Variants in DOT1L observed in about 807,000 individuals in gnomAD.
DOT1L encodes DOT1 like histone lysine methyltransferase.
Under a neutral mutation model 153.3 loss-of-function variants are expected in DOT1L, and 33 were observed. That is an observed-to-expected ratio of 0.22 (90% CI 0.16 to 0.29). The LOEUF is 0.29. Among genes scored for constraint, DOT1L ranks in the 10% least tolerant of loss-of-function variants. The pLI is 1.00. For missense variants in DOT1L, 1,847 were observed against 2,119.9 expected (o/e 0.87, Z 2.53); for synonymous variants, 1,135 against 965.1 (o/e 1.18, Z -3.26).
intron 2 of DOT1L, among the ~76,000 whole-genome samples, 176 bp from the exon 3 acceptor site, chr19:2,185,679 G>A (rs2022464993): frequency 1.3e-5 from 2 of 152,190 alleles, no homozygotes; most frequent in Admixed American, 1.3e-4. Flanking sequence ...TGAGGCAGGA[G>A]AATCGCTTGA....
chr19:2,224,202 G>A (rs368548239), intron 25 of DOT1L, among the ~76,000 whole-genome samples: 7 of 152,192 alleles, frequency 4.6e-5, no homozygotes, highest in African/African-American at 1.7e-4. Context: ...TACCCTGGGC[G>A]GTTGTGAGCA....
intron 1 of DOT1L, among the ~76,000 whole-genome samples, chr19:2,165,334 G>C (rs2019870673): frequency 2.0e-5 from 3 of 152,184 alleles, no homozygotes; most frequent in African/African-American, 7.2e-5. Flanking sequence ...CTGGGGGCGG[G>C]GTCAGGACGC....
rs566890053 is a variant in DOT1L at position 2,217,187 on chromosome 19, G to A, written c.2544+97G>A. ...GGAGGGCTTGTCCTAGTTGACCTTG[G>A]GGCACGGTGAGGTACTGGGGCTGAC... On this transcript the variant is annotated intron_variant, in intron 21 of 27. Transcript: ENST00000398665. The surrounding 1 kb of genome is among the most constrained non-coding windows in gnomAD (Gnocchi z 7.3). 4 of 1,440,920 alleles carry A rather than the reference G, an allele frequency of 2.8e-6. No individual in the cohort carries two copies. The highest frequency in any genetic ancestry group is 2.6e-5 in the Admixed American group (1 of 38,032). 89.3% of individuals were successfully genotyped at this position (1,440,920 alleles called of 1,614,324 possible). A position where few individuals can be genotyped will look rare whatever the true frequency, so the allele number is the denominator to read the frequency against.
chr19:2,218,939 T>G (rs2024013164), intron 22 of DOT1L, among the ~76,000 whole-genome samples: 1 of 152,104 alleles, frequency 6.6e-6, no homozygotes, highest in South Asian at 2.1e-4. Context: ...TCTTGTGATC[T>G]TTACTCACTG....
chr19:2,198,401 C>T lies in DOT1L; in HGVS notation c.652-1483C>T, dbSNP rs1334121669. On this transcript the variant is annotated intron_variant, in intron 7 of 27. Coordinates refer to ENST00000398665, the MANE Select transcript of DOT1L (RefSeq NM_032482.3). ...GGGGGCTTCCCGCGGCCTTGGAGAG[C>T]GGAGGATGTGCAGCTGCTCCTGGCC... Among the ~76,000 whole-genome samples the T allele has an allele frequency of 1.4e-4, 22 of 152,274 alleles. No individual in the cohort carries two copies. The East Asian group carries it at 3.5e-3, about 24-fold the overall frequency.
rs2144821034 is a variant in DOT1L, at chr19:2,208,863, C to G, written c.964-72C>G. On this transcript the variant is annotated intron_variant, in intron 11 of 27. Transcript: ENST00000398665. This position sits in a 1 kb window ranked among gnomAD's most constrained non-coding sequence, Gnocchi z 4.4. ...GCCACTGTCCAGGTTGCTGTTGTTA[C>G]CTGGGTGTCCAGACAAATCCGAACA... 6.6e-7 allele frequency: 1 copy of G among 1,524,006 alleles called. No homozygotes were observed. The highest frequency in any genetic ancestry group is 9.0e-7 in the Non-Finnish European group (1 of 1,111,754). The allele number at this position is 1,524,006 out of a possible 1,614,324, so 94.4% of individuals were successfully genotyped here.
chr19:2,220,729 G>A lies in DOT1L; in HGVS notation c.2806+507G>A. The A allele has an allele frequency of 2.8e-6, 1 of 354,244 alleles. No homozygotes were observed. The allele number at this position is 354,244 out of a possible 1,614,324, so 21.9% of individuals were successfully genotyped here. On this transcript the variant is annotated intron_variant, in intron 23 of 27. Transcript: ENST00000398665. This position sits in a 1 kb window ranked among gnomAD's most constrained non-coding sequence, Gnocchi z 4.5. ...TTTTGTTGACACTGCAGGCCTGTCT[G>A]TTGTGGAAGCCGCAGAGACAGCATG...
rs947150590 is a variant in DOT1L at position 2,222,672 on chromosome 19, G to A, written c.3390+113G>A. 23 of 1,048,570 alleles carry A rather than the reference G, an allele frequency of 2.2e-5. No individual in the cohort carries two copies. Among genetic ancestry groups the A allele is most frequent in the Admixed American group, 5.8e-5 (2 of 34,418 alleles). 65.0% of individuals were successfully genotyped at this position (1,048,570 alleles called of 1,614,324 possible). Reference sequence around the variant, plus strand: ...TCCCAGCATTTTGGGAGGCCGAGGCGGGTGGATCACAAGATCAGGACATCA... The same window carrying A: ...TCCCAGCATTTTGGGAGGCCGAGGCAGGTGGATCACAAGATCAGGACATCA... On this transcript the variant is annotated intron_variant, in intron 24 of 27. Coordinates refer to ENST00000398665, the MANE Select transcript of DOT1L (RefSeq NM_032482.3). This position sits in a 1 kb window ranked among gnomAD's most constrained non-coding sequence, Gnocchi z 6.5.
Position 2,222,951 on chromosome 19 carries a change from G to A in DOT1L, c.3391-330G>A, listed in dbSNP as rs80266336. 3.8e-3 allele frequency: 1,664 copies of A among 440,828 alleles called. 31 individuals carry two copies. Among genetic ancestry groups the A allele is most frequent in the East Asian group, 0.033 (828 of 24,954 alleles). The allele number at this position is 440,828 out of a possible 1,614,324, so 27.3% of individuals were successfully genotyped here. ...ACTGAGCCCGGCCATCCTCCACCAC[G>A]TGCGGCCTGGCAGCCTGGGAAGAGG... On this transcript the variant is annotated intron_variant, in intron 24 of 27. Coordinates refer to ENST00000398665, the MANE Select transcript of DOT1L (RefSeq NM_032482.3). The surrounding 1 kb of genome is among the most constrained non-coding windows in gnomAD (Gnocchi z 6.5).
At chr19:2,195,414 G>A (rs979829560) in intron 7 of DOT1L, among the ~76,000 whole-genome samples, 1 of 152,250 alleles carries the variant, frequency 6.6e-6, no homozygotes, top group East Asian at 1.9e-4. Flanking sequence ...GGCTGATGGC[G>A]CCCCGGGCCC....
chr19:2,174,453 G>A (rs529889610), intron 1 of DOT1L, among the ~76,000 whole-genome samples: 2 of 152,252 alleles, frequency 1.3e-5, no homozygotes, highest in Admixed American at 1.3e-4. Context: ...TGGGGAGGCC[G>A]AGGCGGGCAG....
chr19:2,199,181 G>A lies in DOT1L; in HGVS notation c.652-703G>A, dbSNP rs149197615. On this transcript the variant is annotated intron_variant, in intron 7 of 27. Transcript: ENST00000398665. The stretch of plus-strand genomic sequence containing the variant: ...GGTGTTTTCTCCTGGACGGTGCCAG[G>A]TCTTGAGGTCTGGAGGTGGACTGGC... Among the ~76,000 whole-genome samples the A allele has an allele frequency of 2.4e-3, 367 of 152,370 alleles. 3 individuals are homozygous for A. Among genetic ancestry groups the A allele is most frequent in the African/African-American group, 6.5e-3 (270 of 41,594 alleles).
rs370589055 is a variant in DOT1L at position 2,213,967 on chromosome 19, G to A, written c.1778G>A (p.Arg593His). Residue 593 changes from arginine to histidine, a missense_variant, in exon 18 of 28, where the codon CGC becomes CAC. Around this residue, in one of 8 missense-constraint regions of DOT1L, gnomAD observed 156 missense variants for 235.7 expected, o/e 0.66. Transcript: ENST00000398665. ...EQLEQDNRALRGQSLQLLKAR... is the reference protein window; with the variant it reads ...EQLEQDNRALHGQSLQLLKAR... The stretch of plus-strand genomic sequence containing the variant: ...CTGGAGCAGGACAACCGCGCGCTCC[G>A]CGGCCAGAGCTTGCAGCTGGTGGGT... 7.4e-6 allele frequency: 12 copies of A among 1,612,710 alleles called. No homozygotes were observed. The highest frequency in any genetic ancestry group is 2.2e-5 in the South Asian group (2 of 91,078).
At chr19:2,221,865 T>C (rs572649086) in intron 23 of DOT1L, 111 bp from the exon 24 acceptor site, 1 of 1,159,226 alleles carries the variant, frequency 8.6e-7, no homozygotes, top group South Asian at 1.6e-5. Context: ...CCTTCCCCAC[T>C]TCCCCGCCTC....
rs761256297 is a variant in DOT1L at position 2,214,581 on chromosome 19, C to T, written c.1908C>T (p.His636=). The T allele has an allele frequency of 9.3e-6, 15 of 1,612,874 alleles. No homozygotes were observed. The highest frequency in any genetic ancestry group is 3.3e-5 in the South Asian group (3 of 91,050). ...LKSQISEKQR[H]CLELQISIVE... Reference sequence around the variant, plus strand: ...GCCAGATCTCGGAGAAGCAGAGGCACTGCCTGGAGCTGCAGGTGGGCTGCG... The same window carrying T: ...GCCAGATCTCGGAGAAGCAGAGGCATTGCCTGGAGCTGCAGGTGGGCTGCG... The change falls in exon 19 of 28, where the codon CAC becomes CAT. Residue 636 remains histidine, a synonymous_variant. Transcript: ENST00000398665.
chr19:2,230,509 G>A lies in DOT1L; in HGVS notation c.*717G>A, dbSNP rs1020086536. On this transcript the variant is annotated 3_prime_UTR_variant, in exon 28 of 28. Coordinates refer to ENST00000398665, the MANE Select transcript of DOT1L (RefSeq NM_032482.3). ...CGCGATGGTGCTGTGAGGACGGCGCGGGCACGTTGAACAAGTGCATTTACT... is the reference window on the plus strand; with the variant it reads ...CGCGATGGTGCTGTGAGGACGGCGCAGGCACGTTGAACAAGTGCATTTACT... The A allele has an allele frequency of 2.5e-5, 10 of 398,706 alleles. No individual in the cohort carries two copies. The highest frequency in any genetic ancestry group is 4.1e-5 in the African/African-American group (2 of 48,650). The allele number at this position is 398,706 out of a possible 1,614,324, so 24.7% of individuals were successfully genotyped here.
chr19:2,206,909 C>T (rs888549385), intron 10 of DOT1L, 112 bp downstream of exon 10: 27 of 1,134,176 alleles, frequency 2.4e-5, no homozygotes, highest in Non-Finnish European at 3.4e-5. Flanking sequence ...CTGGATCCTT[C>T]TGTGGGGTGG....
chr19:2,223,750 G>A (rs1012552046), intron 25 of DOT1L, among the ~76,000 whole-genome samples: 2 of 152,188 alleles, frequency 1.3e-5, no homozygotes, highest in Admixed American at 6.5e-5. Context: ...GGAGCTGAGC[G>A]CAGCAGGAGA....
chr19:2,194,689 T>C, intron 7 of DOT1L, 112 bp downstream of exon 7: 1 of 457,422 alleles, frequency 2.2e-6, no homozygotes, highest in Non-Finnish European at 3.3e-6. Flanking sequence ...TGGCACATGG[T>C]GTGCCCCCTG....
Sources: gnomAD v4.1 joint callset for allele counts (sites outside exome capture counted in the v4.1 genomes callset) on GRCh38, gnomAD v4.1.1 for gene constraint, gnomAD v4.1.1 regional missense constraint, Gnocchi (gnomAD v3.1) non-coding constraint, MANE v1.5 for transcripts, NCBI Gene and HGNC (gene_info 2026-07-23, HGNC 2026-07-21) for gene names.